The following JMY variants were observed in gnomAD, a reference collection of about 807,000 sequenced individuals.
JMY encodes junction mediating and regulatory protein, p53 cofactor, also known as junction-mediating and -regulatory protein.
In JMY, 46 loss-of-function variants were observed where a neutral mutation model predicts 103.3. The observed-to-expected ratio is 0.45, with a 90% CI of 0.35 to 0.57. JMY has a LOEUF of 0.57. JMY is among the 20% of genes least tolerant of loss of function. JMY has a pLI of 0.00. For synonymous variants in JMY, 526 were observed against 489.3 expected (o/e 1.07, Z -0.99); for missense variants, 1,238 against 1,255.2 (o/e 0.99, Z 0.21).
chr5:79,290,370 A>C, intron 3 of JMY, 99 bp downstream of exon 3: 2 of 764,300 alleles, frequency 2.6e-6, no homozygotes, highest in Non-Finnish European at 1.9e-6. Flanking sequence ...TATAAAGATC[A>C]CTCATAATCC....
At position 79,323,887 on chromosome 5, in the gene JMY, T is replaced by A. The variant is rs1401534452; in HGVS notation, c.*2285T>A. Reference sequence around the variant, plus strand: ...CCTCATGGATACATCTACAAGTCTCTCAACCCATCCTGTTACAGTTCTCCA... The same window carrying A: ...CCTCATGGATACATCTACAAGTCTCACAACCCATCCTGTTACAGTTCTCCA... On this transcript the variant is annotated 3_prime_UTR_variant, in exon 11 of 11. Coordinates refer to ENST00000396137, the MANE Select transcript of JMY (RefSeq NM_152405.5). 1.3e-5 allele frequency: 2 copies of A among 152,202 alleles called. No homozygotes were observed. The highest frequency in any genetic ancestry group is 1.3e-4 in the Admixed American group (2 of 15,276). The allele number at this position is 152,202 out of a possible 1,614,324, so 9.4% of individuals were successfully genotyped here. A position where few individuals can be genotyped will look rare whatever the true frequency, so the allele number is the denominator to read the frequency against.
chr5:79,291,597 A>C (rs1356897336), intron 4 of JMY, among the ~76,000 whole-genome samples: 7 of 152,232 alleles, frequency 4.6e-5, no homozygotes, highest in Admixed American at 3.9e-4. Context: ...GCTTTCCAGC[A>C]ATTATTAAGA....
chr5:79,286,059 G>A (rs1746258857), intron 2 of JMY, among the ~76,000 whole-genome samples: 1 of 152,200 alleles, frequency 6.6e-6, no homozygotes. Flanking sequence ...TCTAACCAGT[G>A]CTGCACATCT....
At chr5:79,237,841 C>G (rs1182181983) in intron 1 of JMY, among the ~76,000 whole-genome samples, 159 bp downstream of exon 1, 1 of 152,060 alleles carries the variant, frequency 6.6e-6, no homozygotes, top group East Asian at 1.9e-4. Flanking sequence ...TGCCCTTCAT[C>G]CCTCTCGGTG....
At chr5:79,284,031 C>T (rs964679555) in intron 2 of JMY, 4 of 728,084 alleles carry the variant, frequency 5.5e-6, no homozygotes, top group Non-Finnish European at 6.3e-6. Flanking sequence ...ATTAATCCAA[C>T]AGCAAGGTAC....
At chr5:79,290,086 T>G (rs1746377629) in intron 2 of JMY, 35 bp from the exon 3 acceptor site, 1 of 1,518,548 alleles carries the variant, frequency 6.6e-7, no homozygotes, top group South Asian at 1.3e-5. Flanking sequence ...GAAGAAAGAC[T>G]TGAACTTCTT....
At chr5:79,299,883 T>C (rs80115259) in intron 4 of JMY, among the ~76,000 whole-genome samples, 4,644 of 152,254 alleles carry the variant, frequency 0.031, 88 homozygotes, top group South Asian at 0.062. Flanking sequence ...CATATATTAT[T>C]ACCATAAATA....
chr5:79,285,044 C>A (rs1746228316), intron 2 of JMY: 1 of 615,862 alleles, frequency 1.6e-6, no homozygotes, highest in Non-Finnish European at 2.8e-6. Flanking sequence ...GGACTATACT[C>A]ATCATCTTGA....
chr5:79,307,985 C>CTTAGGA lies in JMY; in HGVS notation c.1968+1524_1968+1525insTTAGGA, dbSNP rs1319781600. Among the ~76,000 whole-genome samples the CTTAGGA allele has an allele frequency of 1.1e-4, 17 of 152,312 alleles. No homozygotes were observed. The East Asian group carries it at 2.9e-3, about 26-fold the overall frequency. On this transcript the variant is annotated intron_variant, in intron 7 of 10. Transcript: ENST00000396137. ...CTCCTGACCTCAAGTGATCTGCCCT[C>CTTAGGA]CTTGGCCTCCAAATGTGCTGGGATT...
intron 2 of JMY, chr5:79,285,038 T>C: frequency 1.6e-6 from 1 of 628,872 alleles, no homozygotes; most frequent in South Asian, 2.0e-5. Context: ...CCAGCTGGAC[T>C]ATACTCATCA....
rs145376428 is a variant in JMY, at chr5:79,299,459, C to T, written c.1528-694C>T. Among the ~76,000 whole-genome samples, 895 of 152,156 alleles carry T rather than the reference C, an allele frequency of 5.9e-3. 8 individuals are homozygous for T. The highest frequency in any genetic ancestry group is 0.02 in the African/African-American group (851 of 41,514). ...TTCCTTCATTCCTGGCAAAAATTTT[C>T]CCACTCCAGCACCGAGAACTGACCA... On this transcript the variant is annotated intron_variant, in intron 4 of 10. Coordinates refer to ENST00000396137, the MANE Select transcript of JMY (RefSeq NM_152405.5).
At chr5:79,253,244 A>G (rs147025643) in intron 1 of JMY, among the ~76,000 whole-genome samples, 144 of 151,740 alleles carry the variant, frequency 9.5e-4, no homozygotes, top group African/African-American at 3.0e-3. Context: ...TGTTGTTTCT[A>G]TATATCTTAT....
intron 1 of JMY, among the ~76,000 whole-genome samples, chr5:79,255,514 C>T (rs941883986): frequency 6.6e-6 from 1 of 152,164 alleles, no homozygotes; most frequent in Non-Finnish European, 1.5e-5. Context: ...TGTGTCTGAG[C>T]ATTGAAGAGT....
rs543362329 is a variant in JMY, at chr5:79,324,895, A to C, written c.*3293A>C. On this transcript the variant is annotated 3_prime_UTR_variant, in exon 11 of 11. Transcript: ENST00000396137. ...AATTTTCAGCACTTTGACTTACTCT[A>C]TGTAATAAGGAAAAAAATTGTTTCC... 2 of 152,656 alleles carry C rather than the reference A, an allele frequency of 1.3e-5. No individual in the cohort carries two copies. Among genetic ancestry groups the C allele is most frequent in the Admixed American group, 1.3e-4 (2 of 15,280 alleles). The allele number at this position is 152,656 out of a possible 1,614,324, so 9.5% of individuals were successfully genotyped here.
rs1744494151 is a variant in JMY, at chr5:79,236,423, A to G, written c.-228A>G. The G allele has an allele frequency of 1.1e-5, 4 of 374,258 alleles. No individual in the cohort carries two copies. The highest frequency in any genetic ancestry group is 4.0e-5 in the East Asian group (1 of 24,828). 23.2% of individuals were successfully genotyped at this position (374,258 alleles called of 1,614,324 possible). On this transcript the variant is annotated 5_prime_UTR_variant, in exon 1 of 11. Coordinates refer to ENST00000396137, the MANE Select transcript of JMY (RefSeq NM_152405.5). ...GATCCGGCCGCAGGTGACCATGTGA[A>G]CTACCTGCTCCCGGGACGCTTATTG...
chr5:79,291,144 A>T lies in JMY; in HGVS notation c.1372A>T (p.Met458Leu), dbSNP rs1746408141. Residue 458 changes from methionine to leucine, a missense_variant, in exon 4 of 11, where the codon ATG (methionine) becomes TTG (leucine). Transcript: ENST00000396137. ...AKAQKAVYDR[M>L]RADQKKFGKA... ...ATTATTAATAGCTGTGTATGATCGA[A>T]TGCGAGCTGATCAGAAGAAATTTGG... 2.5e-6 allele frequency: 4 copies of T among 1,602,966 alleles called. No homozygotes were observed. The highest frequency in any genetic ancestry group is 2.5e-6 in the Non-Finnish European group (3 of 1,176,556).
Position 79,291,195 on chromosome 5 carries a change from G to A in JMY, c.1423G>A (p.Glu475Lys), listed in dbSNP as rs755251040. 4 of 1,613,374 alleles carry A rather than the reference G, an allele frequency of 2.5e-6. No individual in the cohort carries two copies. Among genetic ancestry groups the A allele is most frequent in the African/African-American group, 2.7e-5 (2 of 74,892 alleles). Reference protein sequence around the residue: ...FGKASWAAAAERMEKLQYAVS... With the variant: ...FGKASWAAAAKRMEKLQYAVS... ...TAAAGCATCATGGGCAGCGGCTGCT[G>A]AACGGATGGAAAAACTCCAGTATGC... Residue 475 changes from glutamate to lysine, a missense_variant, in exon 4 of 11, where the codon GAA becomes AAA. Glu to Lys is a moderately conservative substitution (Grantham distance 56). Coordinates refer to ENST00000396137, the MANE Select transcript of JMY (RefSeq NM_152405.5).
chr5:79,254,172 C>A (rs77009608), intron 1 of JMY, among the ~76,000 whole-genome samples: 14 of 149,422 alleles, frequency 9.4e-5, no homozygotes, highest in African/African-American at 2.7e-4. Context: ...GAAGGCTTGT[C>A]TCAAACTCCT....
At chr5:79,298,632 C>T (rs1456062578) in intron 4 of JMY, among the ~76,000 whole-genome samples, 5 of 152,198 alleles carry the variant, frequency 3.3e-5, no homozygotes, top group Non-Finnish European at 5.9e-5. Context: ...GGATCACTCA[C>T]AGTCTTACAC....
Sources: allele counts gnomAD v4.1 joint callset (sites outside exome capture counted in the v4.1 genomes callset), GRCh38; gene constraint gnomAD v4.1.1; transcripts MANE v1.5; gene names NCBI Gene and HGNC (gene_info 2026-07-23, HGNC 2026-07-21).